The following FAT4 variants were observed in gnomAD, a reference collection of about 807,000 sequenced individuals.
FAT4 encodes the protein protocadherin Fat 4.
A neutral mutation model predicts 303.9 loss-of-function variants in FAT4; 84 were observed. That is an observed-to-expected ratio of 0.28 (90% CI 0.23 to 0.33). The LOEUF (loss-of-function observed/expected upper bound fraction) is 0.33. Ranked by LOEUF, FAT4 falls within the 10% of genes least tolerant of loss-of-function variation. The pLI is 1.00. For missense variants in FAT4, 6,005 were observed against 6,146.8 expected, an observed-to-expected ratio of 0.98 and a Z score of 0.77; for synonymous variants, 2,307 against 2,298.8, an observed-to-expected ratio of 1.00 and a Z score of -0.10.
At chr4:125,411,149 T>C (rs1734822007) in intron 5 of FAT4, among the ~76,000 whole-genome samples, 1 of 152,036 alleles carries the variant, frequency 6.6e-6, no homozygotes, top group Non-Finnish European at 1.5e-5. Context: ...TTGTCATCTT[T>C]TTAGATGAAG....
At chr4:125,324,085 G>A (rs1393180926) in intron 2 of FAT4, among the ~76,000 whole-genome samples, 1 of 152,074 alleles carries the variant, frequency 6.6e-6, no homozygotes, top group African/African-American at 2.4e-5. Context: ...CAAAGATTTG[G>A]CATTGGTAGT....
chr4:125,467,563 G>T (rs1233792889), intron 11 of FAT4, among the ~76,000 whole-genome samples: 1 of 152,100 alleles, frequency 6.6e-6, no homozygotes, highest in Non-Finnish European at 1.5e-5. Flanking sequence ...ACAAACAAAT[G>T]GGAATGCTGA....
At chr4:125,434,894 T>C (rs57945315) in intron 8 of FAT4, among the ~76,000 whole-genome samples, 9,198 of 152,236 alleles carry the variant, frequency 0.06, 433 homozygotes, top group East Asian at 0.19. Flanking sequence ...GACTTTTTAG[T>C]TGGTGGTTCT....
rs764182048 is a variant in FAT4, at chr4:125,449,157, A to G, written c.8147A>G (p.Asn2716Ser). Reference protein sequence around the residue: ...DYEIVNGNMENSFSINHATGE... With the variant: ...DYEIVNGNMESSFSINHATGE... ...GAAATTGTTAATGGCAACATGGAAA[A>G]TAGTTTCAGTATCAATCATGCTACT... Residue 2716 changes from asparagine (N) to serine (S), a missense_variant, in exon 10 of 18, where the codon AAT (asparagine) becomes AGT (serine). Coordinates refer to ENST00000394329, the MANE Select transcript of FAT4 (RefSeq NM_001291303.3). 1 of 1,614,034 alleles carries G rather than the reference A, an allele frequency of 6.2e-7. No individual in the cohort carries two copies. The highest frequency in any genetic ancestry group is 1.7e-5 in the Admixed American group (1 of 60,008).
chr4:125,473,650 A>G (rs1578685327), intron 12 of FAT4, among the ~76,000 whole-genome samples: 1 of 152,002 alleles, frequency 6.6e-6, no homozygotes. Flanking sequence ...AGATAACCAT[A>G]TTTCTGATAT....
intron 12 of FAT4, among the ~76,000 whole-genome samples, chr4:125,474,649 C>A (rs1336882087): frequency 6.6e-6 from 1 of 151,848 alleles, no homozygotes; most frequent in Non-Finnish European, 1.5e-5. Flanking sequence ...ATTTGATAAA[C>A]AATTAATAAA....
intron 2 of FAT4, among the ~76,000 whole-genome samples, chr4:125,359,049 T>C (rs554762585): frequency 1.3e-5 from 2 of 152,304 alleles, no homozygotes; most frequent in African/African-American, 2.4e-5. Flanking sequence ...ATTAAACTTA[T>C]GATCAGACTT....
intron 4 of FAT4, among the ~76,000 whole-genome samples, chr4:125,407,921 A>T (rs1481364927): frequency 6.6e-6 from 1 of 152,144 alleles, no homozygotes; most frequent in Non-Finnish European, 1.5e-5. Context: ...GGAATTAAAC[A>T]TCTACAGGAG....
chr4:125,457,268 T>A (rs1369712958), intron 10 of FAT4, among the ~76,000 whole-genome samples: 1 of 152,078 alleles, frequency 6.6e-6, no homozygotes, highest in Non-Finnish European at 1.5e-5. Context: ...TAGGGTGTGA[T>A]TAAATGTTAG....
intron 11 of FAT4, among the ~76,000 whole-genome samples, chr4:125,468,172 A>T (rs6813561): frequency 0.38 from 58,301 of 151,952 alleles, 11,195 homozygotes; most frequent in Middle Eastern, 0.46. Context: ...AAATAAAAAA[A>T]AAATCAATGA....
intron 2 of FAT4, among the ~76,000 whole-genome samples, chr4:125,327,256 G>T (rs1227667435): frequency 2.0e-5 from 3 of 152,074 alleles, no homozygotes; most frequent in African/African-American, 7.2e-5. Flanking sequence ...GGTAGATGAG[G>T]GGCCTCTTCT....
chr4:125,330,218 G>GCA (rs1483475537), intron 2 of FAT4, among the ~76,000 whole-genome samples: 4 of 109,638 alleles, frequency 3.6e-5, no homozygotes, highest in African/African-American at 1.2e-4. Context: ...CATACTTCAA[G>GCA]TATTTTTTTT....
chr4:125,479,881 C>T lies in FAT4; in HGVS notation c.12604+16C>T, dbSNP rs544354334. 37 of 1,516,434 alleles carry T rather than the reference C, an allele frequency of 2.4e-5. No homozygotes were observed. The East Asian group carries it at 3.4e-4, about 14-fold the overall frequency. 93.9% of individuals were successfully genotyped at this position (1,516,434 alleles called of 1,614,324 possible). The stretch of plus-strand genomic sequence containing the variant: ...TGTGAAAAATGTATGTAAGGTCTTC[C>T]GTCTTCCCCTGGAAATTTTAATAAC... On this transcript the variant is annotated intron_variant, in intron 15 of 17. Coordinates refer to ENST00000394329, the MANE Select transcript of FAT4 (RefSeq NM_001291303.3).
chr4:125,422,076 G>A (rs1361781495), intron 7 of FAT4, among the ~76,000 whole-genome samples: 1 of 151,900 alleles, frequency 6.6e-6, no homozygotes, highest in Admixed American at 6.6e-5. Context: ...ATAAATGTTT[G>A]AAAACATTTT....
Position 125,471,895 on chromosome 4 carries a change from CAAAAAAAAAAAAAAAAAAAAA to C in FAT4, c.12213+3088_12213+3108del, listed in dbSNP as rs60730341. Among the ~76,000 whole-genome samples the C allele has an allele frequency of 8.1e-3, 455 of 56,142 alleles. 3 individuals are homozygous for C. Among genetic ancestry groups the C allele is most frequent in the Non-Finnish European group, 0.011 (355 of 33,116 alleles). 36.8% of individuals were successfully genotyped at this position (56,142 alleles called of 152,430 possible). On this transcript the variant is annotated intron_variant, in intron 12 of 17. Transcript: ENST00000394329. ...TGAAACCCTGTCTCTACTAAAAATA[CAAAAAAAAAAAAAAAAAAAAA>C]AAAAAAAAAAATTAGCCCGGCATAG... is the stretch of plus-strand genomic sequence containing the variant.
At chr4:125,385,020 ATATAT>A (rs199638239) in intron 2 of FAT4, among the ~76,000 whole-genome samples, 16,818 of 93,944 alleles carry the variant, frequency 0.18, 1,019 homozygotes, top group East Asian at 0.32. Flanking sequence ...ATATATATAT[ATATAT>A]TTTTTTTTTT....
At chr4:125,412,419 A>G (rs1734881837) in intron 5 of FAT4, among the ~76,000 whole-genome samples, 1 of 151,988 alleles carries the variant, frequency 6.6e-6, no homozygotes, top group South Asian at 2.1e-4. Context: ...TTGTTTCATC[A>G]ACAATAATCT....
chr4:125,485,802 A>G (rs554658718), intron 16 of FAT4, among the ~76,000 whole-genome samples: 2 of 152,332 alleles, frequency 1.3e-5, no homozygotes, highest in South Asian at 2.1e-4. Flanking sequence ...TTACACCTGT[A>G]TCCCCGCAAT....
Position 125,450,530 on chromosome 4 carries a change from G to A in FAT4, c.9520G>A (p.Val3174Ile), listed in dbSNP as rs2126059556. ...MTISAIDGGW[V>I]ARTGYCSVTV... ...GATTAGTGCTATAGATGGAGGATGG[G>A]TTGCAAGAACTGGTTACTGCAGTGT... Residue 3174 changes from valine to isoleucine, a missense_variant, in exon 10 of 18, where the codon GTT (valine) becomes ATT (isoleucine). Physicochemically the swap from Val to Ile is conservative, Grantham distance 29. Coordinates refer to ENST00000394329, the MANE Select transcript of FAT4 (RefSeq NM_001291303.3). 3.1e-6 allele frequency: 5 copies of A among 1,614,140 alleles called. No homozygotes were observed. Among genetic ancestry groups the A allele is most frequent in the Middle Eastern group, 3.3e-4 (2 of 6,062 alleles).
Sources: allele counts gnomAD v4.1 joint callset (sites outside exome capture counted in the v4.1 genomes callset), GRCh38; gene constraint gnomAD v4.1.1; transcripts MANE v1.5; gene names NCBI Gene and HGNC (gene_info 2026-07-23, HGNC 2026-07-21).